The following SIRPA variants were observed in gnomAD, a reference collection of about 807,000 sequenced individuals.
SIRPA encodes tyrosine-protein phosphatase non-receptor type substrate 1.
In SIRPA, 9 loss-of-function variants were observed where a neutral mutation model predicts 50.3. That is an observed-to-expected ratio of 0.18 (90% CI 0.11 to 0.31). The LOEUF (loss-of-function observed/expected upper bound fraction) is 0.31. SIRPA is among the 10% of genes least tolerant of loss of function. The pLI is 1.00. For missense variants in SIRPA, 474 were observed against 661.6 expected (o/e 0.72, Z 3.11); for synonymous variants, 265 against 284.1 (o/e 0.93, Z 0.68).
intron 6 of SIRPA, among the ~76,000 whole-genome samples, chr20:1,931,351 C>T (rs1477018982): frequency 2.6e-5 from 4 of 152,188 alleles, no homozygotes; most frequent in African/African-American, 7.2e-5. Context: ...CGAGGTCCTG[C>T]GGCTAGGAAG....
chr20:1,936,024 C>T lies in SIRPA; in HGVS notation c.1266+1270C>T, dbSNP rs779589924. ...CTCCCTTGGTCTCAGTGTCTTCAGCCGTAAAGTGGAATAGATAATCCTTCC... is the reference window on the plus strand; with the variant it reads ...CTCCCTTGGTCTCAGTGTCTTCAGCTGTAAAGTGGAATAGATAATCCTTCC... On this transcript the variant is annotated intron_variant, in intron 7 of 7. Transcript: ENST00000358771. The surrounding 1 kb of genome is among the most constrained non-coding windows in gnomAD (Gnocchi z 4.2). 9.2e-5 allele frequency among the ~76,000 whole-genome samples: 14 copies of T among 152,062 alleles called. No homozygotes were observed. Among genetic ancestry groups the T allele is most frequent in the Non-Finnish European group, 1.5e-4 (10 of 68,028 alleles).
chr20:1,915,509 T>C, intron 2 of SIRPA, 54 bp downstream of exon 2: 2 of 1,583,082 alleles, frequency 1.3e-6, no homozygotes, highest in Admixed American at 1.7e-5. Flanking sequence ...AACTCAATAA[T>C]AACACCCTCC....
intron 2 of SIRPA, 152 bp downstream of exon 2, chr20:1,915,607 C>T (rs1985231672): frequency 1.0e-6 from 1 of 981,478 alleles, no homozygotes; most frequent in South Asian, 1.6e-5. Context: ...GAAGTTGAGG[C>T]CTGAAGACGT....
chr20:1,895,188 C>A (rs1206455235), upstream of SIRPA: 26 of 358,518 alleles, frequency 7.3e-5, no homozygotes, highest in Non-Finnish European at 8.9e-5. Context: ...CTCTCTCTGG[C>A]CGCCCCTGGC....
intron 1 of SIRPA, among the ~76,000 whole-genome samples, chr20:1,899,752 T>C (rs1033585004): frequency 7.2e-5 from 11 of 152,190 alleles, no homozygotes; most frequent in African/African-American, 2.7e-4. Flanking sequence ...TGGGTGTTGA[T>C]CTGAGCCCTG....
chr20:1,907,741 C>T (rs1026036132), intron 1 of SIRPA, among the ~76,000 whole-genome samples: 1 of 152,224 alleles, frequency 6.6e-6, no homozygotes, highest in African/African-American at 2.4e-5. Flanking sequence ...TTACTTGGCT[C>T]TGTTTTCTGT....
chr20:1,899,642 C>T (rs530137285), intron 1 of SIRPA, among the ~76,000 whole-genome samples: 1 of 152,258 alleles, frequency 6.6e-6, no homozygotes, highest in South Asian at 2.1e-4. Flanking sequence ...CCTACTCATC[C>T]TCCGAGGTTC....
At position 1,915,319 on chromosome 20, in the gene SIRPA, C is replaced by A. The variant is rs17855614; in HGVS notation, c.300C>A (p.Asn100Lys). Residue 100 changes from asparagine to lysine, a missense_variant, in exon 2 of 8, where the codon AAC becomes AAA. Physicochemically the swap from Asn to Lys is moderately conservative, Grantham distance 94. Around this residue, in one of 4 missense-constraint regions of SIRPA, gnomAD observed 221 missense variants for 359.9 expected, o/e 0.61. Transcript: ENST00000358771. ...VTTVSDLTKR[N>K]NMDFSIRIGN... ...CTGTTTCAGACCTCACAAAGAGAAA[C>A]AACATGGACTTTTCCATCCGCATCG... The A allele has an allele frequency of 0.37, 542,952 of 1,454,074 alleles. 122,741 individuals are homozygous for A. The highest frequency in any genetic ancestry group is 0.66 in the East Asian group (28,893 of 43,818). 90.1% of individuals were successfully genotyped at this position (1,454,074 alleles called of 1,614,324 possible). A position where few individuals can be genotyped will look rare whatever the true frequency, so the allele number is the denominator to read the frequency against.
At chr20:1,930,316 T>C (rs1195927003) in intron 6 of SIRPA, among the ~76,000 whole-genome samples, 1 of 152,204 alleles carries the variant, frequency 6.6e-6, no homozygotes, top group African/African-American at 2.4e-5. Context: ...TCCCATTTCA[T>C]AACCCACCCC....
intron 6 of SIRPA, among the ~76,000 whole-genome samples, chr20:1,931,067 T>G (rs1207244685): frequency 1.3e-5 from 2 of 152,232 alleles, no homozygotes; most frequent in African/African-American, 4.8e-5. Context: ...TTTTAATTCT[T>G]GCAGGAACCC....
intron 1 of SIRPA, among the ~76,000 whole-genome samples, chr20:1,901,820 G>A (rs535511110): frequency 6.6e-6 from 1 of 152,294 alleles, no homozygotes; most frequent in African/African-American, 2.4e-5. Context: ...AAGAGCCCAA[G>A]GAGATCAGGT....
chr20:1,938,595 G>A lies in SIRPA; in HGVS notation c.*1027G>A, dbSNP rs1986727042. On this transcript the variant is annotated 3_prime_UTR_variant, in exon 8 of 8. Transcript: ENST00000358771. ...CTCCAAGTCCCAGAACCCCAAGAAT[G>A]GGCAAGAAGGATCAGGTCAGCCACT... The A allele has an allele frequency of 6.5e-6, 1 of 152,686 alleles. No homozygotes were observed. The highest frequency in any genetic ancestry group is 2.4e-5 in the African/African-American group (1 of 41,448). The allele number at this position is 152,686 out of a possible 1,614,324, so 9.5% of individuals were successfully genotyped here. A position where few individuals can be genotyped will look rare whatever the true frequency, so the allele number is the denominator to read the frequency against.
Position 1,898,099 on chromosome 20 carries a change from C to T in SIRPA, c.79+2573C>T, listed in dbSNP as rs771156189. 3.9e-5 allele frequency among the ~76,000 whole-genome samples: 6 copies of T among 152,232 alleles called. No homozygotes were observed. The highest frequency in any genetic ancestry group is 7.3e-5 in the Non-Finnish European group (5 of 68,042). The stretch of plus-strand genomic sequence containing the variant: ...AGATAAACTCCCATTCATTTCTTCT[C>T]TCTGGCCTGGAGGAGGCCAAGCCAA... On this transcript the variant is annotated intron_variant, in intron 1 of 7. Transcript: ENST00000358771. The surrounding 1 kb of genome is among the most constrained non-coding windows in gnomAD (Gnocchi z 4.3).
rs1985651858 is a variant in SIRPA, at chr20:1,921,543, G to T, written c.585G>T (p.Gln195His). The change falls in exon 3 of 8, where the codon CAG (glutamine) becomes CAT (histidine). Residue 195 changes from glutamine to histidine, a missense_variant. Physicochemically the swap from Gln to His is conservative, Grantham distance 24. Around this residue, in one of 4 missense-constraint regions of SIRPA, gnomAD observed 221 missense variants for 359.9 expected, o/e 0.61. Coordinates refer to ENST00000358771, the MANE Select transcript of SIRPA (RefSeq NM_001040023.2). ...FKNGNELSDF[Q>H]TNVDPVGESV... ...ATGGGAATGAGCTCTCAGACTTCCA[G>T]ACCAACGTGGACCCCGTAGGAGAGA... is the stretch of plus-strand genomic sequence containing the variant. The T allele has an allele frequency of 6.2e-7, 1 of 1,614,076 alleles. No homozygotes were observed. The highest frequency in any genetic ancestry group is 1.1e-5 in the South Asian group (1 of 91,086).
Position 1,937,444 on chromosome 20 carries a change from C to T in SIRPA, c.1391C>T (p.Ser464Leu), listed in dbSNP as rs377104734. Residue 464 changes from serine (S) to leucine (L), a missense_variant, in exon 8 of 8, where the codon TCG becomes TTG. This residue lies in a region of SIRPA where 180 missense variants were observed against 206.7 expected (regional missense o/e 0.87). Coordinates refer to ENST00000358771, the MANE Select transcript of SIRPA (RefSeq NM_001040023.2). The surrounding 1 kb of genome is among the most constrained non-coding windows in gnomAD (Gnocchi z 8.3). ...ATTCAGACCAGCCCGCAGCCCGCGTCGGAGGACACCCTCACCTATGCTGAC... is the reference window on the plus strand; with the variant it reads ...ATTCAGACCAGCCCGCAGCCCGCGTTGGAGGACACCCTCACCTATGCTGAC... ...ASIQTSPQPA[S>L]EDTLTYADLD... 26 of 1,613,982 alleles carry T rather than the reference C, an allele frequency of 1.6e-5. No homozygotes were observed. The highest frequency in any genetic ancestry group is 1.6e-4 in the Middle Eastern group (1 of 6,084).
intron 1 of SIRPA, among the ~76,000 whole-genome samples, chr20:1,909,996 A>G (rs1984792513): frequency 6.6e-6 from 1 of 152,200 alleles, no homozygotes; most frequent in South Asian, 2.1e-4. Flanking sequence ...TTCAAAGAAG[A>G]GAAAGGAGAT....
At chr20:1,926,966 G>T (rs1401481537) in intron 5 of SIRPA, among the ~76,000 whole-genome samples, 1 of 152,220 alleles carries the variant, frequency 6.6e-6, no homozygotes, top group Non-Finnish European at 1.5e-5. Context: ...GTAAAAGGGG[G>T]TGACTGGTGT....
intron 1 of SIRPA, among the ~76,000 whole-genome samples, chr20:1,901,865 G>C (rs1158701747): frequency 1.3e-5 from 2 of 152,188 alleles, no homozygotes; most frequent in Non-Finnish European, 2.9e-5. Context: ...AGCCGGGAGT[G>C]AGCGATGGGC....
intron 1 of SIRPA, among the ~76,000 whole-genome samples, chr20:1,911,693 T>C (rs1209959662): frequency 6.6e-6 from 1 of 152,170 alleles, no homozygotes. Context: ...CTTTGGTTCA[T>C]CCTGCCAAGC....
Sources: gnomAD v4.1 joint callset for allele counts (sites outside exome capture counted in the v4.1 genomes callset) on GRCh38, gnomAD v4.1.1 for gene constraint, gnomAD v4.1.1 regional missense constraint, Gnocchi (gnomAD v3.1) non-coding constraint, MANE v1.5 for transcripts, NCBI Gene and HGNC (gene_info 2026-07-23, HGNC 2026-07-21) for gene names.